The following COL11A1 variants were observed in gnomAD, a reference collection of about 807,000 sequenced individuals.
COL11A1 encodes the protein collagen type XI alpha 1 chain, also known as collagen alpha-1(XI) chain.
COL11A1 carries 74 observed loss-of-function variants against 265.2 expected under a neutral mutation model. That is an observed-to-expected ratio of 0.28 (90% CI 0.23 to 0.34). The LOEUF (loss-of-function observed/expected upper bound fraction) is 0.34, where lower values mean the gene tolerates loss of function less well. Among genes scored for constraint, COL11A1 ranks in the 10% least tolerant of loss-of-function variants. COL11A1 has a pLI of 1.00. For missense variants in COL11A1, 2,165 were observed against 2,263.6 expected (o/e 0.96, Z 0.88); for synonymous variants, 816 against 727.6 (o/e 1.12, Z -1.96).
intron 31 of COL11A1, among the ~76,000 whole-genome samples, chr1:102,982,484 A>G (rs537161163): frequency 8.9e-4 from 136 of 152,164 alleles, no homozygotes; most frequent in African/African-American, 3.0e-3. Context: ...TCTTTTACTG[A>G]TAATATTTGT....
intron 63 of COL11A1, 123 bp from the exon 64 acceptor site, chr1:102,883,434 T>G: frequency 1.4e-6 from 1 of 715,188 alleles, no homozygotes; most frequent in Non-Finnish European, 2.5e-6. Context: ...CTTTTGCCTT[T>G]TAAGCTTTTG....
At chr1:102,900,127 A>G (rs573078797) in intron 54 of COL11A1, among the ~76,000 whole-genome samples, 170 of 152,286 alleles carry the variant, frequency 1.1e-3, no homozygotes, top group South Asian at 3.3e-3. Flanking sequence ...GAAAGAGTCA[A>G]TGATGACATC....
intron 8 of COL11A1, among the ~76,000 whole-genome samples, chr1:103,022,325 C>T (rs1198620875): frequency 2.6e-5 from 4 of 151,952 alleles, no homozygotes; most frequent in Non-Finnish European, 5.9e-5. Context: ...GAACGATTGC[C>T]TCTTATAAAC....
At chr1:103,002,065 G>A in intron 23 of COL11A1, 96 bp from the exon 24 acceptor site, 2 of 1,006,632 alleles carry the variant, frequency 2.0e-6, no homozygotes, top group South Asian at 2.6e-5. Context: ...TACACAGTGA[G>A]TTATAAGAAT....
intron 4 of COL11A1, among the ~76,000 whole-genome samples, chr1:103,039,194 T>C (rs186529305): frequency 6.6e-6 from 1 of 152,326 alleles, no homozygotes; most frequent in East Asian, 1.9e-4. Context: ...GACTGCATCA[T>C]TGAAACCAAA....
At chr1:102,897,435 GAAAA>G (rs983465591) in intron 57 of COL11A1, among the ~76,000 whole-genome samples, 1 of 137,920 alleles carries the variant, frequency 7.3e-6, no homozygotes, top group Non-Finnish European at 1.6e-5. Flanking sequence ...TCTACCATAA[GAAAA>G]AAAAATATAT....
At chr1:103,004,775 G>T in intron 18 of COL11A1, 114 bp from the exon 19 acceptor site, 1 of 898,066 alleles carries the variant, frequency 1.1e-6, no homozygotes, top group Non-Finnish European at 1.7e-6. Context: ...GAAAATATAT[G>T]CTTTATTTAC....
chr1:103,014,507 T>G lies in COL11A1; in HGVS notation c.1572+4A>C, dbSNP rs370981642. ...TGTGGGAATGCAAGTTTATCCTGTC[T>G]TACCCGAGCCTGCTGAAGAATAGCT... On this transcript the variant is annotated splice_donor_region_variant and intron_variant, in intron 13 of 66. Coordinates refer to ENST00000370096, the MANE Select transcript of COL11A1 (RefSeq NM_001854.4). 8.7e-6 allele frequency: 14 copies of G among 1,613,358 alleles called. No individual in the cohort carries two copies. Among genetic ancestry groups the G allele is most frequent in the Non-Finnish European group, 1.2e-5 (14 of 1,179,528 alleles).
In COL11A1 at chr1:102,904,497, G is replaced by A. The variant is rs1382217812; in HGVS notation, c.4087-5503C>T. 6.2e-5 allele frequency among the ~76,000 whole-genome samples: 9 copies of A among 145,926 alleles called. No individual in the cohort carries two copies. The East Asian group carries it at 1.6e-3, about 26-fold the overall frequency. On this transcript the variant is annotated intron_variant, in intron 54 of 66. Transcript: ENST00000370096. ...TTATCTGACAAAGGGCTAATATCCA[G>A]AATCTACAATGAACTCAAACAAATT...
chr1:103,026,343 A>G lies in COL11A1; in HGVS notation c.781-11T>C. The G allele has an allele frequency of 6.4e-7, 1 of 1,573,062 alleles. No individual in the cohort carries two copies. Among genetic ancestry groups the G allele is most frequent in the South Asian group, 1.1e-5 (1 of 90,220 alleles). On this transcript the variant is annotated splice_polypyrimidine_tract_variant and intron_variant, in intron 5 of 66. Coordinates refer to ENST00000370096, the MANE Select transcript of COL11A1 (RefSeq NM_001854.4). ...ATCCTCTGGTGCATACTACATTGCAAAGGAAAAAATATCAGGCAATTGTGT... is the reference window on the plus strand; with the variant it reads ...ATCCTCTGGTGCATACTACATTGCAGAGGAAAAAATATCAGGCAATTGTGT...
intron 65 of COL11A1, among the ~76,000 whole-genome samples, chr1:102,881,361 G>A (rs1334936683): frequency 6.6e-6 from 1 of 151,996 alleles, no homozygotes; most frequent in Admixed American, 6.6e-5. Context: ...GAAATAATAG[G>A]AAGATATTAA....
At chr1:102,882,263 T>C (rs1013013336) in intron 64 of COL11A1, among the ~76,000 whole-genome samples, 2 of 152,156 alleles carry the variant, frequency 1.3e-5, no homozygotes, top group African/African-American at 4.8e-5. Context: ...ATATTTAGAA[T>C]CTTATAGATC....
intron 38 of COL11A1, among the ~76,000 whole-genome samples, chr1:102,964,120 T>C (rs1296662682): frequency 3.9e-5 from 6 of 152,194 alleles, no homozygotes; most frequent in African/African-American, 1.2e-4. Flanking sequence ...AACACAAGTC[T>C]CAGAAGTTTT....
At chr1:103,021,647 A>G (rs1211782955) in intron 9 of COL11A1, 60 bp downstream of exon 9, 4 of 1,054,378 alleles carry the variant, frequency 3.8e-6, no homozygotes, top group Admixed American at 3.4e-5. Context: ...ATAATTTAAC[A>G]TAATCGTGGC....
rs560788234 is a variant in COL11A1, at chr1:103,029,266, G to A, written c.780+1850C>T. 1.5e-3 allele frequency among the ~76,000 whole-genome samples: 224 copies of A among 152,100 alleles called. 2 individuals carry two copies. The highest frequency in any genetic ancestry group is 2.3e-3 in the Non-Finnish European group (157 of 67,880). On this transcript the variant is annotated intron_variant, in intron 5 of 66. Transcript: ENST00000370096. ...ATGCCAGAAGTTTATTAGTGAACAA[G>A]TAAGTAATATAAAGTACATGTATGG...
rs188710235 is a variant in COL11A1, at chr1:102,978,442, C to A, written c.2754+266G>T. ...AGTGTATTTAAAATTTAAAAAATAT[C>A]TATTTTTGTCTTGACTATAAGAGTG... is the stretch of plus-strand genomic sequence containing the variant. On this transcript the variant is annotated intron_variant, in intron 35 of 66. Coordinates refer to ENST00000370096, the MANE Select transcript of COL11A1 (RefSeq NM_001854.4). Among the ~76,000 whole-genome samples, 25 of 152,200 alleles carry A rather than the reference C, an allele frequency of 1.6e-4. No homozygotes were observed. In the South Asian group the frequency reaches 2.1e-3, roughly 13 times the overall value.
chr1:103,038,158 T>C (rs1668519873), intron 4 of COL11A1, among the ~76,000 whole-genome samples: 1 of 152,126 alleles, frequency 6.6e-6, no homozygotes, highest in African/African-American at 2.4e-5. Context: ...GGGATGAAAC[T>C]GTATGACGAA....
chr1:102,887,707 C>T (rs1226687954), intron 62 of COL11A1, among the ~76,000 whole-genome samples: 1 of 152,038 alleles, frequency 6.6e-6, no homozygotes, highest in East Asian at 1.9e-4. Flanking sequence ...GAATGTAATC[C>T]CATTTGGAAA....
Position 102,878,016 on chromosome 1 carries a change from A to T in COL11A1, c.*3T>A. 1 of 1,613,194 alleles carries T rather than the reference A, an allele frequency of 6.2e-7. No homozygotes were observed. Among genetic ancestry groups the T allele is most frequent in the Non-Finnish European group, 8.5e-7 (1 of 1,179,474 alleles). ...TTGATTTGATATGTTCTTTGTCTTAATCTTAGCCAAGAAAACAAACAGGAC... is the reference window on the plus strand; with the variant it reads ...TTGATTTGATATGTTCTTTGTCTTATTCTTAGCCAAGAAAACAAACAGGAC... On this transcript the variant is annotated 3_prime_UTR_variant, in exon 67 of 67. Transcript: ENST00000370096.
Sources: gnomAD v4.1 joint callset for allele counts (sites outside exome capture counted in the v4.1 genomes callset) on GRCh38, gnomAD v4.1.1 for gene constraint, MANE v1.5 for transcripts, NCBI Gene and HGNC (gene_info 2026-07-23, HGNC 2026-07-21) for gene names.